Variants in SAMD5 observed in about 807,000 individuals in gnomAD.
SAMD5 encodes the protein sterile alpha motif domain-containing protein 5.
SAMD5 carries 13 observed loss-of-function variants against 11.3 expected under a neutral mutation model. The observed-to-expected ratio is 1.15, with a 90% CI of 0.75 to 1.83. The LOEUF (loss-of-function observed/expected upper bound fraction) is 1.83, where lower values mean the gene tolerates loss of function less well. Ranked by LOEUF, SAMD5 falls within the 40% of genes most tolerant of loss-of-function variation. The pLI is 0.00. For synonymous variants in SAMD5, 129 were observed against 111.3 expected (o/e 1.16, Z -1.00); for missense variants, 255 against 239.1 (o/e 1.07, Z -0.44).
the SAMD5 span, among the ~76,000 whole-genome samples, chr6:147,950,185 GAT>G: frequency 1.3e-5 from 2 of 152,180 alleles, no homozygotes; most frequent in Non-Finnish European, 2.9e-5. Context: ...TGACTAATAT[GAT>G]CATTTTGCAT....
At chr6:147,767,218 GAA>G in the SAMD5 span, among the ~76,000 whole-genome samples, 2 of 152,210 alleles carry the variant, frequency 1.3e-5, no homozygotes, top group Non-Finnish European at 2.9e-5. Context: ...ACTCTGTGCA[GAA>G]AGTTTACTGA....
At chr6:147,850,444 A>G in the SAMD5 span, among the ~76,000 whole-genome samples, 1,823 of 152,262 alleles carry the variant, frequency 0.012, 39 homozygotes, top group South Asian at 0.074. Context: ...TTCTAAATGA[A>G]CCCTTTACTT....
the SAMD5 span, among the ~76,000 whole-genome samples, chr6:147,836,632 T>C: frequency 1.3e-5 from 2 of 152,246 alleles, no homozygotes; most frequent in African/African-American, 4.8e-5. Flanking sequence ...TGGGCACTTT[T>C]AGTTTCTACT....
intron 1 of SAMD5, among the ~76,000 whole-genome samples, chr6:147,714,016 T>A (rs1583150031): frequency 6.6e-6 from 1 of 152,274 alleles, no homozygotes; most frequent in East Asian, 1.9e-4. Context: ...ATTAACTGAC[T>A]CCACTTAACA....
At chr6:147,836,699 A>C in the SAMD5 span, among the ~76,000 whole-genome samples, 1 of 152,228 alleles carries the variant, frequency 6.6e-6, no homozygotes, top group Non-Finnish European at 1.5e-5. Context: ...GTCTGAACCA[A>C]TGTAAATTAG....
the SAMD5 span, among the ~76,000 whole-genome samples, chr6:147,896,505 G>A: frequency 6.6e-6 from 1 of 152,046 alleles, no homozygotes; most frequent in Non-Finnish European, 1.5e-5. Context: ...TAGGGAGCCG[G>A]AGTCTCTGCA....
chr6:147,915,867 C>A, the SAMD5 span, among the ~76,000 whole-genome samples: 1 of 151,816 alleles, frequency 6.6e-6, no homozygotes, highest in Non-Finnish European at 1.5e-5. Context: ...TCGTTATTTA[C>A]ATTAGGTATA....
intron 1 of SAMD5, among the ~76,000 whole-genome samples, chr6:147,547,329 C>T (rs1439889493): frequency 6.6e-6 from 1 of 152,178 alleles, no homozygotes; most frequent in Non-Finnish European, 1.5e-5. Context: ...TTGCAGAAAG[C>T]CAAAATTAAG....
At chr6:147,820,420 T>C in the SAMD5 span, among the ~76,000 whole-genome samples, 1,661 of 152,320 alleles carry the variant, frequency 0.011, 33 homozygotes, top group African/African-American at 0.039. Context: ...CCATACTAAA[T>C]GGGCTTTAAG....
chr6:147,818,697 C>A, the SAMD5 span, among the ~76,000 whole-genome samples: 1 of 152,128 alleles, frequency 6.6e-6, no homozygotes, highest in African/African-American at 2.4e-5. Context: ...ATCCACAACG[C>A]CAATGGCCCG....
At chr6:147,762,805 T>C in the SAMD5 span, among the ~76,000 whole-genome samples, 216 of 152,302 alleles carry the variant, frequency 1.4e-3, 3 homozygotes, top group East Asian at 0.018. Context: ...TAATAGTTCA[T>C]GTAAAATAGT....
At chr6:147,933,083 T>A in the SAMD5 span, among the ~76,000 whole-genome samples, 4 of 152,206 alleles carry the variant, frequency 2.6e-5, no homozygotes, top group Non-Finnish European at 5.9e-5. Flanking sequence ...TTGCACAGTT[T>A]CTTCCTCCTT....
the SAMD5 span, among the ~76,000 whole-genome samples, chr6:147,931,172 A>G: frequency 6.6e-6 from 1 of 152,212 alleles, no homozygotes; most frequent in African/African-American, 2.4e-5. Flanking sequence ...CTGGTGCAAA[A>G]GAGTTTTCTT....
At chr6:147,712,896 G>T (rs1177179322) in intron 1 of SAMD5, among the ~76,000 whole-genome samples, 6 of 152,040 alleles carry the variant, frequency 3.9e-5, no homozygotes, top group Non-Finnish European at 7.4e-5. Context: ...ATACAAAAAG[G>T]ATTGGAGCAG....
chr6:147,751,094 G>A, the SAMD5 span, among the ~76,000 whole-genome samples: 1 of 152,070 alleles, frequency 6.6e-6, no homozygotes, highest in Non-Finnish European at 1.5e-5. Flanking sequence ...TCTGCTCCTG[G>A]AACACACCAG....
At chr6:147,811,777 G>A in the SAMD5 span, among the ~76,000 whole-genome samples, 4 of 152,218 alleles carry the variant, frequency 2.6e-5, no homozygotes, top group African/African-American at 9.6e-5. Flanking sequence ...TTGTGTAGCA[G>A]TAATGAACAT....
chr6:147,575,727 G>T (rs1307953804), intron 1 of SAMD5, among the ~76,000 whole-genome samples: 1 of 152,090 alleles, frequency 6.6e-6, no homozygotes, highest in Non-Finnish European at 1.5e-5. Context: ...TTTTGTAGTT[G>T]ACTCTCTGCT....
At chr6:147,939,242 G>A in the SAMD5 span, among the ~76,000 whole-genome samples, 1 of 152,188 alleles carries the variant, frequency 6.6e-6, no homozygotes, top group Non-Finnish European at 1.5e-5. Context: ...CACTGGCCCT[G>A]AAGGTCTCTG....
intron 1 of SAMD5, among the ~76,000 whole-genome samples, chr6:147,548,401 T>C (rs1788718524): frequency 1.3e-5 from 2 of 152,248 alleles, no homozygotes; most frequent in Non-Finnish European, 2.9e-5. Context: ...TTGTCTATGT[T>C]ACATGTCTAA....
Sources: allele counts gnomAD v4.1 joint callset (sites outside exome capture counted in the v4.1 genomes callset), GRCh38; gene constraint gnomAD v4.1.1; transcripts MANE v1.5; gene names NCBI Gene and HGNC (gene_info 2026-07-23, HGNC 2026-07-21).